The following C1orf94 variants were observed in gnomAD, a reference collection of about 807,000 sequenced individuals.
C1orf94 encodes the protein uncharacterized protein C1orf94.
A neutral mutation model predicts 53.6 loss-of-function variants in C1orf94; 45 were observed. The ratio of observed to expected loss-of-function variants is 0.84; its 90% CI spans 0.66 to 1.08. The LOEUF is 1.08. Among genes scored for constraint, C1orf94 ranks in the 50% least tolerant of loss-of-function variants. The pLI, the probability that C1orf94 is intolerant of heterozygous loss-of-function variation, is 0.00. For missense variants in C1orf94, 762 were observed against 738.9 expected (o/e 1.03, Z -0.36); for synonymous variants, 304 against 296.1 (o/e 1.03, Z -0.27).
chr1:34,214,752 C>T (rs191812948), intron 6 of C1orf94, among the ~76,000 whole-genome samples: 8 of 151,930 alleles, frequency 5.3e-5, no homozygotes, highest in East Asian at 1.9e-4. Context: ...GTAGGCAGCC[C>T]GAGGAAGGAG....
Position 34,197,799 on chromosome 1 carries a change from G to A in C1orf94, c.895G>A (p.Ala299Thr), listed in dbSNP as rs1306653691. 6.2e-7 allele frequency: 1 copy of A among 1,614,204 alleles called. No homozygotes were observed. The highest frequency in any genetic ancestry group is 1.7e-5 in the Admixed American group (1 of 60,030). ...FLLLPPRPPP[A>T]RPDKLPELPA... ...GCTGCTGCCTCCCCGACCTCCTCCTGCACGTCCTGACAAGCTCCCTGAGCT... is the reference window on the plus strand; with the variant it reads ...GCTGCTGCCTCCCCGACCTCCTCCTACACGTCCTGACAAGCTCCCTGAGCT... The change falls in exon 2 of 7, where the codon GCA (alanine) becomes ACA (threonine). Residue 299 changes from alanine (A) to threonine (T), a missense_variant. Physicochemically the swap from Ala to Thr is moderately conservative, Grantham distance 58. Coordinates refer to ENST00000488417, the MANE Select transcript of C1orf94 (RefSeq NM_001134734.2). The surrounding 1 kb of genome is among the most constrained non-coding windows in gnomAD (Gnocchi z 4.1).
At chr1:34,170,879 A>C (rs1642136249) in intron 1 of C1orf94, among the ~76,000 whole-genome samples, 1 of 152,032 alleles carries the variant, frequency 6.6e-6, no homozygotes, top group Admixed American at 6.6e-5. Context: ...TCAAGCCATC[A>C]CTGAGCCCTC....
At chr1:34,188,467 T>C (rs1405781552) in intron 1 of C1orf94, among the ~76,000 whole-genome samples, 2 of 152,028 alleles carry the variant, frequency 1.3e-5, no homozygotes, top group African/African-American at 4.8e-5. Flanking sequence ...TTGCCTTCTT[T>C]AAGTCTGAGT....
chr1:34,187,040 C>T (rs1166085889), intron 1 of C1orf94, among the ~76,000 whole-genome samples: 1 of 152,168 alleles, frequency 6.6e-6, no homozygotes, highest in Non-Finnish European at 1.5e-5. Context: ...TCAGAGGAAG[C>T]ACAGAATATC....
chr1:34,190,841 A>G (rs1376130112), intron 1 of C1orf94, among the ~76,000 whole-genome samples: 1 of 152,156 alleles, frequency 6.6e-6, no homozygotes. Flanking sequence ...CTTTTGATAT[A>G]TAACAAACCA....
In C1orf94 at chr1:34,177,862, G is replaced by T. The variant is rs1488446173; in HGVS notation, c.73G>T (p.Ala25Ser). Residue 25 changes from alanine to serine, a missense_variant, in exon 1 of 7, where the codon GCC (alanine) becomes TCC (serine). Transcript: ENST00000488417. ...CTTCCAGAAAGAGAGGAGGAGGATG[G>T]CCAGCGGGAATGGGCTTCCTTCATC... is the stretch of plus-strand genomic sequence containing the variant. Reference protein sequence around the residue: ...RGFQKERRRMASGNGLPSSSA... With the variant: ...RGFQKERRRMSSGNGLPSSSA... 1 of 1,551,228 alleles carries T rather than the reference G, an allele frequency of 6.4e-7. No individual in the cohort carries two copies. Among genetic ancestry groups the T allele is most frequent in the Non-Finnish European group, 8.7e-7 (1 of 1,146,660 alleles).
chr1:34,179,847 G>T (rs993739390), intron 1 of C1orf94, among the ~76,000 whole-genome samples: 1 of 152,140 alleles, frequency 6.6e-6, no homozygotes, highest in African/African-American at 2.4e-5. Context: ...GCTGGTTGCT[G>T]GGCCCCAAAA....
At chr1:34,207,607 A>G (rs1473393301) in intron 4 of C1orf94, among the ~76,000 whole-genome samples, 1 of 152,184 alleles carries the variant, frequency 6.6e-6, no homozygotes, top group Non-Finnish European at 1.5e-5. Context: ...TGTACACAGA[A>G]ATACACAGCT....
intron 1 of C1orf94, among the ~76,000 whole-genome samples, chr1:34,168,022 C>T (rs1034264528): frequency 6.6e-6 from 1 of 152,112 alleles, no homozygotes; most frequent in African/African-American, 2.4e-5. Flanking sequence ...TACAAATACA[C>T]ATAAAGTTAC....
intron 1 of C1orf94, among the ~76,000 whole-genome samples, chr1:34,191,258 G>A (rs1002526804): frequency 3.3e-5 from 5 of 152,208 alleles, no homozygotes; most frequent in South Asian, 4.1e-4. Context: ...CTGTTGGGGG[G>A]ATTAAAATGA....
chr1:34,199,223 T>C (rs1642652759), intron 2 of C1orf94, among the ~76,000 whole-genome samples: 2 of 152,204 alleles, frequency 1.3e-5, no homozygotes, highest in Admixed American at 6.5e-5. Context: ...TATGTCTGTG[T>C]GCCCAGACCT....
chr1:34,177,878 T>C lies in C1orf94; in HGVS notation c.89T>C (p.Leu30Pro). ...ERRRMASGNGLPSSSALVAKG... is the reference protein window; with the variant it reads ...ERRRMASGNGPPSSSALVAKG... ...AGGAGGATGGCCAGCGGGAATGGGCTTCCTTCATCCTCGGCCCTGGTGGCC... is the reference window on the plus strand; with the variant it reads ...AGGAGGATGGCCAGCGGGAATGGGCCTCCTTCATCCTCGGCCCTGGTGGCC... The change falls in exon 1 of 7, where the codon CTT becomes CCT. Residue 30 changes from leucine (L) to proline (P), a missense_variant. Coordinates refer to ENST00000488417, the MANE Select transcript of C1orf94 (RefSeq NM_001134734.2). The C allele has an allele frequency of 3.9e-6, 6 of 1,551,520 alleles. No homozygotes were observed. The highest frequency in any genetic ancestry group is 4.4e-6 in the Non-Finnish European group (5 of 1,146,868).
intron 5 of C1orf94, among the ~76,000 whole-genome samples, chr1:34,211,224 C>T (rs531907790): frequency 7.2e-5 from 11 of 152,224 alleles, no homozygotes; most frequent in African/African-American, 2.2e-4. Flanking sequence ...CAAGCAGATG[C>T]CTTAGTGGTC....
At chr1:34,178,845 C>T (rs1479462079) in intron 1 of C1orf94, among the ~76,000 whole-genome samples, 5 of 152,182 alleles carry the variant, frequency 3.3e-5, no homozygotes, top group African/African-American at 9.7e-5. Context: ...TTATTAATAC[C>T]GCCGTTGAGC....
intron 1 of C1orf94, among the ~76,000 whole-genome samples, chr1:34,189,348 T>A (rs1642443801): frequency 6.6e-6 from 1 of 151,780 alleles, no homozygotes; most frequent in Non-Finnish European, 1.5e-5. Flanking sequence ...TGCCCGAGTG[T>A]GTGTGTGTGT....
At position 34,192,320 on chromosome 1, in the gene C1orf94, T is replaced by G. The variant is rs547922315; in HGVS notation, c.321-4905T>G. 6.1e-4 allele frequency among the ~76,000 whole-genome samples: 93 copies of G among 152,272 alleles called. 1 individual carries two copies. The highest frequency in any genetic ancestry group is 2.1e-3 in the African/African-American group (89 of 41,552). On this transcript the variant is annotated intron_variant, in intron 1 of 6. Transcript: ENST00000488417. ...TGTGGGGTCTGCCATGGGACCGCCT[T>G]GCAGAATTTGGGAGGTCTTAGGACT...
At position 34,200,958 on chromosome 1, in the gene C1orf94, T is replaced by C; in HGVS notation, c.1196T>C (p.Leu399Pro). The C allele has an allele frequency of 1.2e-6, 2 of 1,613,856 alleles. No homozygotes were observed. Among genetic ancestry groups the C allele is most frequent in the Middle Eastern group, 1.6e-4 (1 of 6,062 alleles). ...GAGAAGAACTTGCTCTATGAGTTCCTTGGGGCCACCAAGAACCCAAGCGGG... is the reference window on the plus strand; with the variant it reads ...GAGAAGAACTTGCTCTATGAGTTCCCTGGGGCCACCAAGAACCCAAGCGGG... The part of the protein sequence containing the change: ...PAEKNLLYEF[L>P]GATKNPSGQP... Residue 399 changes from leucine (L) to proline (P), a missense_variant, in exon 3 of 7, where the codon CTT (leucine) becomes CCT (proline). By Grantham distance (98) the Leu-to-Pro change is moderately conservative. Coordinates refer to ENST00000488417, the MANE Select transcript of C1orf94 (RefSeq NM_001134734.2).
At chr1:34,217,328 T>C (rs759673281) in intron 6 of C1orf94, among the ~76,000 whole-genome samples, 18 of 152,206 alleles carry the variant, frequency 1.2e-4, no homozygotes, top group Admixed American at 2.6e-4. Flanking sequence ...CCTAGCTGCA[T>C]GTGTGCCAAT....
chr1:34,189,991 G>A (rs1269715669), intron 1 of C1orf94, among the ~76,000 whole-genome samples: 2 of 152,152 alleles, frequency 1.3e-5, no homozygotes, highest in African/African-American at 2.4e-5. Context: ...CAGGGAGGGG[G>A]TAAGAGGGGA....
Sources: gnomAD v4.1 joint callset for allele counts (sites outside exome capture counted in the v4.1 genomes callset) on GRCh38, gnomAD v4.1.1 for gene constraint, Gnocchi (gnomAD v3.1) non-coding constraint, MANE v1.5 for transcripts, NCBI Gene and HGNC (gene_info 2026-07-23, HGNC 2026-07-21) for gene names.